Variants in SLC12A8 observed in about 807,000 individuals in gnomAD.
The protein encoded by SLC12A8 is cation-chloride cotransporter 9.
A neutral mutation model predicts 75.6 loss-of-function variants in SLC12A8; 69 were observed. The ratio of observed to expected loss-of-function variants is 0.91; its 90% CI spans 0.75 to 1.11. SLC12A8 has a LOEUF of 1.11. Ranked by LOEUF, SLC12A8 falls within the 50% of genes most tolerant of loss-of-function variation. The pLI is 0.00. For synonymous variants in SLC12A8, 365 were observed against 372.8 expected, an observed-to-expected ratio of 0.98 and a Z score of 0.24; for missense variants, 877 against 896.7, an observed-to-expected ratio of 0.98 and a Z score of 0.28.
intron 6 of SLC12A8, among the ~76,000 whole-genome samples, chr3:125,131,648 A>T (rs902029951): frequency 1.3e-5 from 2 of 152,180 alleles, no homozygotes; most frequent in Non-Finnish European, 1.5e-5. Context: ...TCATCCTCCC[A>T]AAGTGCTGGG....
intron 10 of SLC12A8, among the ~76,000 whole-genome samples, chr3:125,104,356 G>A (rs1157675085): frequency 1.4e-4 from 22 of 151,950 alleles, no homozygotes; most frequent in Admixed American, 1.4e-3. Flanking sequence ...TGATCCTCCT[G>A]CCCCAGCCTC....
At chr3:125,099,593 C>T (rs919913663) in intron 10 of SLC12A8, among the ~76,000 whole-genome samples, 2 of 152,082 alleles carry the variant, frequency 1.3e-5, no homozygotes, top group African/African-American at 4.8e-5. Flanking sequence ...GAAAAAAATT[C>T]GGATGACAAT....
At chr3:125,181,097 A>C (rs1440761177) in intron 4 of SLC12A8, among the ~76,000 whole-genome samples, 5 of 152,252 alleles carry the variant, frequency 3.3e-5, no homozygotes, top group Non-Finnish European at 5.9e-5. Context: ...TACTAGAAGA[A>C]CTAAAAGCAT....
chr3:125,122,661 C>T (rs546265679), intron 6 of SLC12A8, among the ~76,000 whole-genome samples: 1 of 152,340 alleles, frequency 6.6e-6, no homozygotes, highest in South Asian at 2.1e-4. Context: ...TAAAGCCCTG[C>T]TCAAGAATCA....
chr3:125,111,045 C>CA (rs1212098112), intron 8 of SLC12A8, among the ~76,000 whole-genome samples: 1 of 152,194 alleles, frequency 6.6e-6, no homozygotes, highest in Non-Finnish European at 1.5e-5. Context: ...ACCTCACCTC[C>CA]ACTGTGAGGC....
intron 5 of SLC12A8, among the ~76,000 whole-genome samples, chr3:125,139,122 A>G (rs775311495): frequency 6.6e-6 from 1 of 152,228 alleles, no homozygotes; most frequent in East Asian, 1.9e-4. Flanking sequence ...CTATGTATGA[A>G]GAGCTTTTCT....
At chr3:125,184,496 C>A (rs867188401) in intron 4 of SLC12A8, among the ~76,000 whole-genome samples, 34 of 152,136 alleles carry the variant, frequency 2.2e-4, no homozygotes, top group Middle Eastern at 3.4e-3. Flanking sequence ...AGCCATATGA[C>A]CCTCAAAACC....
chr3:125,140,096 A>G (rs1002492239), intron 5 of SLC12A8, among the ~76,000 whole-genome samples: 1 of 152,202 alleles, frequency 6.6e-6, no homozygotes, highest in African/African-American at 2.4e-5. Context: ...GACATAGCCA[A>G]TAATGTCTTC....
chr3:125,105,049 G>A lies in SLC12A8; in HGVS notation c.1705+2432C>T, dbSNP rs899901178. 3.3e-5 allele frequency among the ~76,000 whole-genome samples: 5 copies of A among 151,620 alleles called. 1 individual carries two copies. Among genetic ancestry groups the A allele is most frequent in the Non-Finnish European group, 4.4e-5 (3 of 67,922 alleles). ...TTGTTATCCTCAGTCAAAACTAATCGTGACTGATACAACAACCAACACTTT... is the reference window on the plus strand; with the variant it reads ...TTGTTATCCTCAGTCAAAACTAATCATGACTGATACAACAACCAACACTTT... On this transcript the variant is annotated intron_variant, in intron 10 of 13. Coordinates refer to ENST00000469902, the MANE Select transcript of SLC12A8 (RefSeq NM_024628.6).
At chr3:125,204,306 G>A (rs540439391) in intron 2 of SLC12A8, among the ~76,000 whole-genome samples, 11 of 152,248 alleles carry the variant, frequency 7.2e-5, no homozygotes, top group African/African-American at 1.9e-4. Context: ...AGCCCTATTC[G>A]CAATAGCAAA....
chr3:125,099,025 G>A (rs1188704201), intron 10 of SLC12A8, among the ~76,000 whole-genome samples: 1 of 152,160 alleles, frequency 6.6e-6, no homozygotes, highest in African/African-American at 2.4e-5. Flanking sequence ...AGAAAACTAC[G>A]CCCACGCCTG....
intron 2 of SLC12A8, among the ~76,000 whole-genome samples, chr3:125,194,049 T>C (rs1934958854): frequency 6.6e-6 from 1 of 152,162 alleles, no homozygotes; most frequent in South Asian, 2.1e-4. Context: ...ACACCCAGGA[T>C]TGAGTCTACA....
chr3:125,210,270 TG>T (rs1935310063), intron 2 of SLC12A8, among the ~76,000 whole-genome samples: 1 of 152,216 alleles, frequency 6.6e-6, no homozygotes, highest in African/African-American at 2.4e-5. Context: ...GACAAATTGT[TG>T]ATAAGAAGCA....
At chr3:125,112,765 T>G (rs1939219521) in intron 8 of SLC12A8, among the ~76,000 whole-genome samples, 1 of 152,240 alleles carries the variant, frequency 6.6e-6, no homozygotes, top group Middle Eastern at 3.2e-3. Context: ...AGAAAGAGCC[T>G]TTTGAAAATT....
intron 8 of SLC12A8, 28 bp from the exon 9 acceptor site, chr3:125,110,363 G>A: frequency 1.2e-6 from 2 of 1,604,516 alleles, no homozygotes; most frequent in Non-Finnish European, 1.7e-6. Flanking sequence ...TCATTCGCCA[G>A]TGCCAGAACC....
intron 5 of SLC12A8, among the ~76,000 whole-genome samples, chr3:125,168,435 G>A (rs1443099942): frequency 6.6e-6 from 1 of 152,166 alleles, no homozygotes; most frequent in African/African-American, 2.4e-5. Context: ...AGGAGCTGGC[G>A]ATATGAGAGC....
intron 5 of SLC12A8, among the ~76,000 whole-genome samples, chr3:125,176,275 T>C (rs943996296): frequency 1.3e-5 from 2 of 152,230 alleles, no homozygotes; most frequent in African/African-American, 4.8e-5. Context: ...TTCACCATGT[T>C]GGTCAGGCTG....
intron 6 of SLC12A8, among the ~76,000 whole-genome samples, chr3:125,129,593 T>A (rs1579491658): frequency 6.6e-6 from 1 of 152,064 alleles, no homozygotes. Context: ...AACCATCATA[T>A]CTCTGTCAGG....
chr3:125,170,771 C>T (rs1002364791), intron 5 of SLC12A8, among the ~76,000 whole-genome samples: 16 of 152,106 alleles, frequency 1.1e-4, no homozygotes, highest in African/African-American at 3.4e-4. Flanking sequence ...AAAAATTAGC[C>T]GAGCATGGTG....
Sources: gnomAD v4.1 joint callset for allele counts (sites outside exome capture counted in the v4.1 genomes callset) on GRCh38, gnomAD v4.1.1 for gene constraint, MANE v1.5 for transcripts, NCBI Gene and HGNC (gene_info 2026-07-23, HGNC 2026-07-21) for gene names.